The following RECK variants were observed in gnomAD, a reference collection of about 807,000 sequenced individuals.
The protein encoded by RECK is reversion-inducing cysteine-rich protein with Kazal motifs.
Under a neutral mutation model 115.1 loss-of-function variants are expected in RECK, and 69 were observed. That is an observed-to-expected ratio of 0.60 (90% CI 0.49 to 0.73). The LOEUF (loss-of-function observed/expected upper bound fraction) is 0.73. Among genes scored for constraint, RECK ranks in the 30% least tolerant of loss-of-function variants. RECK has a pLI of 0.00. For missense variants in RECK, 1,047 were observed against 1,203.7 expected (o/e 0.87, Z 1.93); for synonymous variants, 414 against 419.7 (o/e 0.99, Z 0.17).
intron 20 of RECK, among the ~76,000 whole-genome samples, chr9:36,122,569 G>A (rs1377438563): frequency 6.6e-6 from 1 of 152,138 alleles, no homozygotes; most frequent in Non-Finnish European, 1.5e-5. Flanking sequence ...CTCCCAGAGT[G>A]CTAGGATTAC....
At chr9:36,080,385 T>G (rs1282237102) in intron 6 of RECK, among the ~76,000 whole-genome samples, 1 of 152,240 alleles carries the variant, frequency 6.6e-6, no homozygotes, top group Non-Finnish European at 1.5e-5. Context: ...ACTGGTCAGC[T>G]TATGGCTCCA....
intron 2 of RECK, among the ~76,000 whole-genome samples, chr9:36,055,253 T>G (rs1444307462): frequency 1.3e-5 from 2 of 152,216 alleles, no homozygotes; most frequent in Non-Finnish European, 2.9e-5. Context: ...TACCTTATTA[T>G]CTGAAAGTTT....
In RECK at chr9:36,118,739, T is replaced by G. The variant is rs754764693; in HGVS notation, c.2254-18T>G. The stretch of plus-strand genomic sequence containing the variant: ...AACATAGACATTTCCAGGCTAAATG[T>G]GATTTGTTTGCCCTCAGCCCTTTTG... On this transcript the variant is annotated intron_variant, in intron 17 of 20. Transcript: ENST00000377966. The G allele has an allele frequency of 6.2e-7, 1 of 1,610,708 alleles. No individual in the cohort carries two copies. Among genetic ancestry groups the G allele is most frequent in the African/African-American group, 1.3e-5 (1 of 74,876 alleles).
At chr9:36,079,665 T>G (rs1822601885) in intron 6 of RECK, among the ~76,000 whole-genome samples, 1 of 152,172 alleles carries the variant, frequency 6.6e-6, no homozygotes, top group Non-Finnish European at 1.5e-5. Context: ...ATGGCTGCAA[T>G]TAAAAGCCAA....
chr9:36,106,313 C>A (rs1426255730), intron 13 of RECK, among the ~76,000 whole-genome samples: 1 of 150,996 alleles, frequency 6.6e-6, no homozygotes, highest in Admixed American at 6.6e-5. Context: ...TGGCTCACTG[C>A]AACCTCTACC....
chr9:36,044,175 T>C (rs780453852), intron 1 of RECK, among the ~76,000 whole-genome samples: 4 of 152,262 alleles, frequency 2.6e-5, no homozygotes, highest in Non-Finnish European at 5.9e-5. Context: ...CCTTGTAGAA[T>C]TCTTTCACCT....
At chr9:36,106,636 T>C (rs1040248283) in intron 13 of RECK, among the ~76,000 whole-genome samples, 7 of 152,244 alleles carry the variant, frequency 4.6e-5, no homozygotes, top group Admixed American at 3.9e-4. Context: ...ATATATCGGC[T>C]ATAGAGTCAT....
chr9:36,066,406 A>G (rs78726652), intron 6 of RECK, among the ~76,000 whole-genome samples: 3,068 of 152,122 alleles, frequency 0.02, 106 homozygotes, highest in African/African-American at 0.07. Context: ...TGGGATTCCT[A>G]TTGCTGTGTT....
At chr9:36,088,062 G>A in intron 9 of RECK, 101 bp downstream of exon 9, 1 of 830,832 alleles carries the variant, frequency 1.2e-6, no homozygotes, top group South Asian at 1.7e-5. Context: ...CGTGGTATAG[G>A]TTTAGCATTT....
chr9:36,092,287 C>G (rs1056367080), intron 10 of RECK, among the ~76,000 whole-genome samples: 2 of 152,034 alleles, frequency 1.3e-5, no homozygotes, highest in African/African-American at 4.8e-5. Context: ...CCTACCAATA[C>G]CAATTATGAA....
In RECK at chr9:36,065,228, T is replaced by TAAAAAAAAAA. The variant is rs561725701; in HGVS notation, c.358-331_358-322dup. 9.5e-4 allele frequency among the ~76,000 whole-genome samples: 48 copies of TAAAAAAAAAA among 50,550 alleles called. 3 individuals are homozygous for TAAAAAAAAAA. The highest frequency in any genetic ancestry group is 3.9e-3 in the South Asian group (4 of 1,024). The allele number at this position is 50,550 out of a possible 152,430, so 33.2% of individuals were successfully genotyped here. On this transcript the variant is annotated intron_variant, in intron 5 of 20. Coordinates refer to ENST00000377966, the MANE Select transcript of RECK (RefSeq NM_021111.3). ...AATTTGCTACAGAGTGGAATTCAGC[T>TAAAAAAAAAA]AAAAAAAAAAAAAAAAAAAAAAAAA...
At chr9:36,114,232 G>A (rs1225126626) in intron 16 of RECK, among the ~76,000 whole-genome samples, 1 of 152,196 alleles carries the variant, frequency 6.6e-6, no homozygotes, top group Non-Finnish European at 1.5e-5. Context: ...GGGAGACTGG[G>A]AGATATAATT....
chr9:36,084,194 T>A (rs147467108), intron 8 of RECK, among the ~76,000 whole-genome samples: 5 of 151,434 alleles, frequency 3.3e-5, no homozygotes, highest in African/African-American at 9.7e-5. Context: ...CTCAGGAGTT[T>A]GAGACCAGCC....
At chr9:36,112,570 A>G in intron 16 of RECK, 94 bp downstream of exon 16, 1 of 1,308,224 alleles carries the variant, frequency 7.6e-7, no homozygotes, top group Non-Finnish European at 1.1e-6. Flanking sequence ...AAGGTAAATT[A>G]AGAAATCGCT....
intron 6 of RECK, among the ~76,000 whole-genome samples, chr9:36,079,449 T>C (rs1822591913): frequency 6.6e-6 from 1 of 152,206 alleles, no homozygotes; most frequent in East Asian, 1.9e-4. Flanking sequence ...TGAGGAACCC[T>C]TATCTATGAG....
chr9:36,092,392 G>A (rs893045576), intron 10 of RECK, among the ~76,000 whole-genome samples: 10 of 151,644 alleles, frequency 6.6e-5, no homozygotes, highest in Non-Finnish European at 1.3e-4. Flanking sequence ...TTATTTTTGA[G>A]ACAGAATCTC....
At chr9:36,109,866 T>A in intron 14 of RECK, 91 bp from the exon 15 acceptor site, 1 of 1,266,118 alleles carries the variant, frequency 7.9e-7, no homozygotes, top group Non-Finnish European at 1.1e-6. Flanking sequence ...GGAATTTCCA[T>A]TTTAAAACTT....
At chr9:36,063,729 C>T (rs1821875923) in intron 4 of RECK, 66 bp from the exon 5 acceptor site, 2 of 1,447,190 alleles carry the variant, frequency 1.4e-6, no homozygotes, top group Non-Finnish European at 1.9e-6. Flanking sequence ...AGCCTTGAAA[C>T]ATCTGGCATG....
intron 2 of RECK, 73 bp downstream of exon 2, chr9:36,052,396 G>C (rs921911182): frequency 8.9e-7 from 1 of 1,125,196 alleles, no homozygotes; most frequent in East Asian, 2.4e-5. Flanking sequence ...ACTTTGGGAG[G>C]CCAGGGTGGG....
Sources: gnomAD v4.1 joint callset for allele counts (sites outside exome capture counted in the v4.1 genomes callset) on GRCh38, gnomAD v4.1.1 for gene constraint, MANE v1.5 for transcripts, NCBI Gene and HGNC (gene_info 2026-07-23, HGNC 2026-07-21) for gene names.